Variants in LRRC4C observed in about 807,000 individuals in gnomAD.
The protein encoded by LRRC4C is leucine-rich repeat-containing protein 4C.
In LRRC4C, 5 loss-of-function variants were observed where a neutral mutation model predicts 33.6. That is an observed-to-expected ratio of 0.15 (90% CI 0.08 to 0.31). LRRC4C has a LOEUF of 0.31. Among genes scored for constraint, LRRC4C ranks in the 10% least tolerant of loss-of-function variants. The pLI, the probability that LRRC4C is intolerant of heterozygous loss-of-function variation, is 1.00. For missense variants in LRRC4C, 560 were observed against 796.7 expected (o/e 0.70, Z 3.58); for synonymous variants, 329 against 302.0 (o/e 1.09, Z -0.93).
intron 2 of LRRC4C, among the ~76,000 whole-genome samples, chr11:40,729,415 G>A (rs1302083147): frequency 6.6e-6 from 1 of 152,120 alleles, no homozygotes; most frequent in Non-Finnish European, 1.5e-5. Flanking sequence ...CACTTTTCTT[G>A]TAAAAATATC....
chr11:40,587,452 T>C (rs1197793389), intron 3 of LRRC4C, among the ~76,000 whole-genome samples: 4 of 147,646 alleles, frequency 2.7e-5, no homozygotes, highest in African/African-American at 7.6e-5. Flanking sequence ...CTTTTCCTAA[T>C]TGAATACCCT....
At chr11:41,309,616 T>A (rs1194887320) in intron 1 of LRRC4C, among the ~76,000 whole-genome samples, 1 of 152,194 alleles carries the variant, frequency 6.6e-6, no homozygotes, top group Non-Finnish European at 1.5e-5. Context: ...ATGACAGGGT[T>A]TCTGTGGCAA....
chr11:40,612,979 T>C (rs1961386647), intron 3 of LRRC4C, among the ~76,000 whole-genome samples: 1 of 151,872 alleles, frequency 6.6e-6, no homozygotes, highest in African/African-American at 2.4e-5. Flanking sequence ...CATACCTTGG[T>C]GAAAAAAATA....
chr11:40,590,581 G>T (rs376938769), intron 3 of LRRC4C, among the ~76,000 whole-genome samples: 1 of 152,078 alleles, frequency 6.6e-6, no homozygotes, highest in Admixed American at 6.6e-5. Context: ...CAGCTTTTCT[G>T]TTCTGTTTTT....
chr11:40,504,111 CA>C (rs1340001238), intron 3 of LRRC4C, among the ~76,000 whole-genome samples: 1 of 152,038 alleles, frequency 6.6e-6, no homozygotes, highest in African/African-American at 2.4e-5. Flanking sequence ...CCCACAATTC[CA>C]AAACTGCAAA....
intron 1 of LRRC4C, among the ~76,000 whole-genome samples, chr11:41,433,237 T>A (rs943017655): frequency 2.0e-5 from 3 of 152,200 alleles, no homozygotes; most frequent in Non-Finnish European, 4.4e-5. Flanking sequence ...TTTTAGCTTT[T>A]GTTTTTCAGA....
Position 40,765,641 on chromosome 11 carries a change from A to C in LRRC4C, c.-406-117363T>G, listed in dbSNP as rs139740281. On this transcript the variant is annotated intron_variant, in intron 2 of 6. Transcript: ENST00000528697. ...TAACAAAGTGATTAGAAAAATTTTT[A>C]AAAATCAAGCTAAAATTCTACAGCT... Among the ~76,000 whole-genome samples the C allele has an allele frequency of 1.4e-3, 217 of 152,208 alleles. 1 individual carries two copies. The highest frequency in any genetic ancestry group is 2.5e-3 in the South Asian group (12 of 4,830).
At chr11:40,894,592 TC>T (rs1299035876) in intron 2 of LRRC4C, among the ~76,000 whole-genome samples, 4 of 152,160 alleles carry the variant, frequency 2.6e-5, no homozygotes, top group African/African-American at 4.8e-5. Context: ...ACTTTCTGCA[TC>T]CCAGCATTTC....
intron 2 of LRRC4C, among the ~76,000 whole-genome samples, chr11:40,830,669 T>C (rs959860691): frequency 2.6e-5 from 4 of 152,100 alleles, no homozygotes; most frequent in South Asian, 2.1e-4. Context: ...AGTTGTTTTA[T>C]GTCAGAGTCT....
intron 1 of LRRC4C, among the ~76,000 whole-genome samples, chr11:40,953,584 C>T (rs760813568): frequency 2.0e-5 from 3 of 151,790 alleles, no homozygotes; most frequent in Non-Finnish European, 4.4e-5. Flanking sequence ...TTTCACAGAT[C>T]TATCTTCAGG....
At chr11:40,661,500 G>T (rs908093983) in intron 2 of LRRC4C, among the ~76,000 whole-genome samples, 2 of 152,148 alleles carry the variant, frequency 1.3e-5, no homozygotes, top group Non-Finnish European at 2.9e-5. Flanking sequence ...ATAATCATCT[G>T]CATTCATTAT....
chr11:40,310,604 T>C (rs12278873), intron 4 of LRRC4C, among the ~76,000 whole-genome samples: 1,878 of 152,306 alleles, frequency 0.012, 51 homozygotes, highest in African/African-American at 0.043. Context: ...TTAGCTTACA[T>C]TTAATGAGCA....
chr11:40,415,426 T>C (rs1950292794), intron 3 of LRRC4C, among the ~76,000 whole-genome samples: 1 of 152,172 alleles, frequency 6.6e-6, no homozygotes, highest in South Asian at 2.1e-4. Flanking sequence ...AGTATGAGTG[T>C]CCACCCTTCC....
intron 3 of LRRC4C, among the ~76,000 whole-genome samples, chr11:40,568,690 T>C (rs1295656998): frequency 2.6e-5 from 4 of 152,112 alleles, no homozygotes; most frequent in East Asian, 1.9e-4. Flanking sequence ...GAGAAATTAA[T>C]AGTAGCCCTA....
At chr11:41,238,760 A>G (rs1028388978) in intron 1 of LRRC4C, among the ~76,000 whole-genome samples, 2 of 152,180 alleles carry the variant, frequency 1.3e-5, no homozygotes, top group African/African-American at 2.4e-5. Context: ...CTATCATTAT[A>G]TAAAGATCCA....
chr11:40,158,262 G>A (rs988531854), intron 5 of LRRC4C, among the ~76,000 whole-genome samples: 3 of 152,096 alleles, frequency 2.0e-5, no homozygotes, highest in African/African-American at 7.2e-5. Flanking sequence ...GGGACTTGGG[G>A]GGAAGAGTGG....
intron 5 of LRRC4C, among the ~76,000 whole-genome samples, chr11:40,181,569 A>G (rs1318674039): frequency 6.6e-6 from 1 of 152,214 alleles, no homozygotes; most frequent in Non-Finnish European, 1.5e-5. Context: ...GATGGCAATC[A>G]TGAAAGTCCT....
intron 1 of LRRC4C, among the ~76,000 whole-genome samples, chr11:41,436,773 C>T (rs560081194): frequency 8.5e-4 from 130 of 152,268 alleles, no homozygotes; most frequent in Non-Finnish European, 1.2e-3. Flanking sequence ...ATGACCTATA[C>T]CAACGTTTCT....
intron 1 of LRRC4C, among the ~76,000 whole-genome samples, chr11:41,150,987 C>T (rs1244744863): frequency 6.6e-6 from 1 of 151,824 alleles, no homozygotes; most frequent in African/African-American, 2.4e-5. Context: ...GGAGATCCTT[C>T]CAGAACTCCA....
Sources: gnomAD v4.1 joint callset for allele counts (sites outside exome capture counted in the v4.1 genomes callset) on GRCh38, gnomAD v4.1.1 for gene constraint, MANE v1.5 for transcripts, NCBI Gene and HGNC (gene_info 2026-07-23, HGNC 2026-07-21) for gene names.